The following AP3D1 variants were observed in gnomAD, a reference collection of about 807,000 sequenced individuals.
The protein encoded by AP3D1 is AP-3 complex subunit delta-1.
In AP3D1, 51 loss-of-function variants were observed where a neutral mutation model predicts 147.6. The observed-to-expected ratio is 0.35, with a 90% CI of 0.28 to 0.44. The LOEUF (loss-of-function observed/expected upper bound fraction) is 0.44, where lower values mean the gene tolerates loss of function less well. AP3D1 is among the 20% of genes least tolerant of loss of function. The pLI, the probability that AP3D1 is intolerant of heterozygous loss-of-function variation, is 1.00. For missense variants in AP3D1, 1,421 were observed against 1,624.2 expected, an observed-to-expected ratio of 0.87 and a Z score of 2.15; for synonymous variants, 760 against 663.0, an observed-to-expected ratio of 1.15 and a Z score of -2.25.
Position 2,113,444 on chromosome 19 carries a change from G to A in AP3D1, c.2602-31C>T, listed in dbSNP as rs893468265. On this transcript the variant is annotated intron_variant, in intron 22 of 31. Coordinates refer to ENST00000643116, the MANE Select transcript of AP3D1 (RefSeq NM_001261826.3). ...ACCACAAGACAGGCTGTCAGCAAACGCAGTGCAATGGTCCTGGGAAGAGGG... is the reference window on the plus strand; with the variant it reads ...ACCACAAGACAGGCTGTCAGCAAACACAGTGCAATGGTCCTGGGAAGAGGG... 6 of 1,357,444 alleles carry A rather than the reference G, an allele frequency of 4.4e-6. No individual in the cohort carries two copies. The African/African-American group carries it at 9.0e-5, about 20-fold the overall frequency. 84.1% of individuals were successfully genotyped at this position (1,357,444 alleles called of 1,614,324 possible).
At chr19:2,140,811 TGCAGTG>T (rs2019201319) in intron 1 of AP3D1, among the ~76,000 whole-genome samples, 2 of 140,404 alleles carry the variant, frequency 1.4e-5, no homozygotes, top group Admixed American at 1.6e-4. Flanking sequence ...CAGGCTGGAG[TGCAGTG>T]GCACAATCTC....
At chr19:2,106,481 G>A (rs984500822) in intron 31 of AP3D1, among the ~76,000 whole-genome samples, 5 of 152,166 alleles carry the variant, frequency 3.3e-5, no homozygotes, top group Admixed American at 6.5e-5. Flanking sequence ...CCTGGGAGGC[G>A]GAGGTTGTGG....
intron 18 of AP3D1, 63 bp from the exon 19 acceptor site, chr19:2,115,676 C>T: frequency 5.9e-6 from 9 of 1,537,590 alleles, no homozygotes; most frequent in Non-Finnish European, 8.0e-6. Flanking sequence ...CAAGACAAGC[C>T]TCGGGGATGC....
chr19:2,151,968 T>TC (rs1275308838), upstream of AP3D1, among the ~76,000 whole-genome samples: 3 of 152,212 alleles, frequency 2.0e-5, no homozygotes, highest in East Asian at 5.8e-4. Context: ...TGACGCGGCC[T>TC]GAGAGCCTCC....
chr19:2,115,740 C>G (rs879771589), intron 18 of AP3D1, 127 bp from the exon 19 acceptor site: 2 of 1,019,666 alleles, frequency 2.0e-6, no homozygotes, highest in African/African-American at 1.6e-5. Flanking sequence ...TGCCAGAGCC[C>G]TGGGCCGCGA....
chr19:2,140,365 C>T (rs116794591), intron 1 of AP3D1, among the ~76,000 whole-genome samples: 86 of 152,214 alleles, frequency 5.6e-4, no homozygotes, highest in African/African-American at 2.0e-3. Flanking sequence ...AACAAGCACA[C>T]GAACACACAG....
At chr19:2,105,155 G>C (rs1368270906) in intron 31 of AP3D1, among the ~76,000 whole-genome samples, 2 of 152,238 alleles carry the variant, frequency 1.3e-5, no homozygotes, top group Non-Finnish European at 2.9e-5. Flanking sequence ...CTTGGCAAGA[G>C]AGCAACAGCC....
chr19:2,111,385 G>A (rs947937567), intron 25 of AP3D1, 53 bp from the exon 26 acceptor site: 50 of 1,601,610 alleles, frequency 3.1e-5, no homozygotes, highest in Non-Finnish European at 4.0e-5. Context: ...CCGTCTCAGC[G>A]AAGACTCCAG....
rs375234660 is a variant in AP3D1 at position 2,129,182 on chromosome 19, C to A, written c.733-19G>T. On this transcript the variant is annotated intron_variant, in intron 7 of 31. Coordinates refer to ENST00000643116, the MANE Select transcript of AP3D1 (RefSeq NM_001261826.3). The stretch of plus-strand genomic sequence containing the variant: ...CACCGAACTGTGGGGACAGCAGGGC[C>A]TCGGTCACCCGCAGGGAATGCCCCA... 226 of 1,605,842 alleles carry A rather than the reference C, an allele frequency of 1.4e-4. 3 individuals are homozygous for A. The highest frequency in any genetic ancestry group is 7.1e-4 in the South Asian group (64 of 89,994).
intron 1 of AP3D1, among the ~76,000 whole-genome samples, chr19:2,149,805 T>A (rs989762908): frequency 3.9e-5 from 6 of 152,182 alleles, no homozygotes; most frequent in Admixed American, 1.3e-4. Flanking sequence ...GGACGGGCGC[T>A]GGGAGATCCT....
At chr19:2,158,016 A>ATGTG (rs2019662299) in intron 1 of AP3D1, among the ~76,000 whole-genome samples, 1 of 151,934 alleles carries the variant, frequency 6.6e-6, no homozygotes, top group African/African-American at 2.4e-5. Context: ...TGTACCCCAC[A>ATGTG]TGTGCTCTTT....
intron 24 of AP3D1, chr19:2,112,511 GGAGT>G (rs1312430155): frequency 4.4e-6 from 1 of 226,124 alleles, no homozygotes; most frequent in Non-Finnish European, 8.7e-6. Context: ...GGCAGGGAAG[GGAGT>G]GAGAAGTAAC....
rs1209953672 is a variant in AP3D1 at position 2,121,183 on chromosome 19, C to G, written c.1230G>C (p.Gln410His). The G allele has an allele frequency of 6.2e-7, 1 of 1,614,206 alleles. No individual in the cohort carries two copies. ...IIDICSQSNY[Q>H]YITNFEWYIS... is the part of the protein sequence containing the mutation. ...CGCACCACTCGAAGTTGGTGATGTA[C>G]TGGTAGTTGGACTGGCTGCAGATGT... Residue 410 changes from glutamine (Q) to histidine (H), a missense_variant, in exon 13 of 32, where the codon CAG (glutamine) becomes CAC (histidine). Gln to His is a conservative substitution (Grantham distance 24, BLOSUM62 0). Around this residue, in one of 6 missense-constraint regions of AP3D1, gnomAD observed 310 missense variants for 388.1 expected, o/e 0.80. Transcript: ENST00000643116.
At chr19:2,110,686 C>G (rs896222462) in intron 27 of AP3D1, 21 bp downstream of exon 27, 45 of 1,566,760 alleles carry the variant, frequency 2.9e-5, no homozygotes, top group Non-Finnish European at 3.7e-5. Context: ...CAGGAGAGGC[C>G]GTGAGTGGGG....
intron 24 of AP3D1, 170 bp from the exon 25 acceptor site, chr19:2,111,998 C>G (rs1200017210): frequency 1.8e-6 from 2 of 1,086,460 alleles, no homozygotes; most frequent in Non-Finnish European, 2.6e-6. Flanking sequence ...TCAGGCCAGA[C>G]CAGGCCCAGC....
At chr19:2,113,682 C>T (rs906228964) in intron 22 of AP3D1, among the ~76,000 whole-genome samples, 1 of 152,196 alleles carries the variant, frequency 6.6e-6, no homozygotes, top group African/African-American at 2.4e-5. Flanking sequence ...CCGTGGCGGC[C>T]CATATGTCTT....
intron 17 of AP3D1, 101 bp from the exon 18 acceptor site, chr19:2,116,379 G>T: frequency 7.3e-7 from 1 of 1,360,604 alleles, no homozygotes; most frequent in Non-Finnish European, 1.0e-6. Flanking sequence ...TGGATCTCTG[G>T]CTATTTTCAC....
At chr19:2,104,403 A>T (rs1191661513) in intron 31 of AP3D1, among the ~76,000 whole-genome samples, 1 of 146,124 alleles carries the variant, frequency 6.8e-6, no homozygotes, top group Non-Finnish European at 1.5e-5. Context: ...CCAAGACGCC[A>T]ACACCCAGAC....
intron 4 of AP3D1, among the ~76,000 whole-genome samples, chr19:2,135,051 AT>A (rs1281514727): frequency 1.3e-5 from 2 of 150,414 alleles, no homozygotes; most frequent in Non-Finnish European, 3.0e-5. Context: ...ACACAAAAAA[AT>A]TAGCCGGGTG....
Sources: allele counts gnomAD v4.1 joint callset (sites outside exome capture counted in the v4.1 genomes callset), GRCh38; gene constraint gnomAD v4.1.1; regional missense constraint gnomAD v4.1.1; transcripts MANE v1.5; gene names NCBI Gene and HGNC (gene_info 2026-07-23, HGNC 2026-07-21).